Variants in NLRP5 observed in about 807,000 individuals in gnomAD.
The protein encoded by NLRP5 is NLR family pyrin domain containing 5, also known as NACHT, LRR and PYD domains-containing protein 5.
A neutral mutation model predicts 113.1 loss-of-function variants in NLRP5; 93 were observed. The observed-to-expected ratio is 0.82, with a 90% CI of 0.70 to 0.98. The LOEUF is 0.98. Ranked by LOEUF, NLRP5 falls within the 50% of genes least tolerant of loss-of-function variation. The pLI is 0.00. For missense variants in NLRP5, 1,808 were observed against 1,514.3 expected, an observed-to-expected ratio of 1.19 and a Z score of -3.22; for synonymous variants, 751 against 600.7, an observed-to-expected ratio of 1.25 and a Z score of -3.66.
intron 12 of NLRP5, among the ~76,000 whole-genome samples, chr19:56,051,377 G>A (rs1294040578): frequency 6.6e-6 from 1 of 152,072 alleles, no homozygotes; most frequent in East Asian, 1.9e-4. Flanking sequence ...ACTTTTAGTA[G>A]AGACGGAGTT....
At chr19:56,040,825 T>C (rs1321362535) in intron 10 of NLRP5, 97 bp from the exon 11 acceptor site, 3 of 1,020,316 alleles carry the variant, frequency 2.9e-6, no homozygotes, top group South Asian at 3.2e-5. Flanking sequence ...ATGCCAACTA[T>C]GGGGGTGATA....
chr19:56,051,841 C>T (rs1251846285), intron 12 of NLRP5, among the ~76,000 whole-genome samples: 2 of 152,180 alleles, frequency 1.3e-5, no homozygotes, highest in South Asian at 2.1e-4. Flanking sequence ...ATTACAAAGG[C>T]AGAATTAATG....
At chr19:56,015,234 C>G (rs1982359212) in intron 3 of NLRP5, among the ~76,000 whole-genome samples, 1 of 152,138 alleles carries the variant, frequency 6.6e-6, no homozygotes, top group Non-Finnish European at 1.5e-5. Context: ...GAGTTTCACT[C>G]TTGTTGCCCA....
intron 10 of NLRP5, 118 bp downstream of exon 10, chr19:56,038,313 A>C (rs556403840): frequency 8.5e-7 from 1 of 1,178,826 alleles, no homozygotes; most frequent in East Asian, 2.4e-5. Flanking sequence ...AGGGGTGAGG[A>C]AGGAAGTTGG....
chr19:56,015,191 C>A (rs73068172), intron 3 of NLRP5, among the ~76,000 whole-genome samples: 1 of 151,758 alleles, frequency 6.6e-6, no homozygotes, highest in Admixed American at 6.6e-5. Flanking sequence ...GTTTTGTTTT[C>A]GTTTTGTTTT....
Position 56,050,682 on chromosome 19 carries a change from A to C in NLRP5, c.3128+94A>C, listed in dbSNP as rs1010364385. 5 of 1,253,104 alleles carry C rather than the reference A, an allele frequency of 4.0e-6. No homozygotes were observed. In the African/African-American group the frequency reaches 7.5e-5, roughly 19 times the overall value. The allele number at this position is 1,253,104 out of a possible 1,614,324, so 77.6% of individuals were successfully genotyped here. On this transcript the variant is annotated intron_variant, in intron 12 of 14. Coordinates refer to ENST00000390649, the MANE Select transcript of NLRP5 (RefSeq NM_153447.4). Reference sequence around the variant, plus strand: ...ATAGGAGCAGGGAGACCGGAACCAAAAACTGCTTTCAGGGTGAGCTGACAC... The same window carrying C: ...ATAGGAGCAGGGAGACCGGAACCAACAACTGCTTTCAGGGTGAGCTGACAC...
chr19:56,058,416 T>C lies in NLRP5; in HGVS notation c.3470+6T>C. 1.9e-6 allele frequency: 3 copies of C among 1,606,762 alleles called. No individual in the cohort carries two copies. Among genetic ancestry groups the C allele is most frequent in the Non-Finnish European group, 2.6e-6 (3 of 1,176,148 alleles). On this transcript the variant is annotated splice_donor_region_variant and intron_variant, in intron 14 of 14. Transcript: ENST00000390649. ...TCTAACTTACAGATAATTGGGTAAG[T>C]CGCCAGCAATTGTCTTCTGAGATAC...
chr19:56,033,605 T>A lies in NLRP5; in HGVS notation c.2511T>A (p.Arg837=). Residue 837 remains arginine (R), a synonymous_variant, in exon 9 of 15, where the codon CGT becomes CGA. Coordinates refer to ENST00000390649, the MANE Select transcript of NLRP5 (RefSeq NM_153447.4). ...TCTGGAGAATCGTCATGGCCAACCG[T>A]AACCTAAGATCCCTCAACTTGGGAG... The A allele has an allele frequency of 6.2e-7, 1 of 1,613,750 alleles. No individual in the cohort carries two copies. The highest frequency in any genetic ancestry group is 1.1e-5 in the South Asian group (1 of 91,070).
the NLRP5 span, among the ~76,000 whole-genome samples, chr19:55,989,723 T>A: frequency 6.6e-6 from 1 of 152,186 alleles, no homozygotes; most frequent in Non-Finnish European, 1.5e-5. Context: ...CTGTGCTGAT[T>A]GTTGTGCATT....
Position 56,051,190 on chromosome 19 carries a change from C to CT in NLRP5, c.3128+607dup, listed in dbSNP as rs552096096. On this transcript the variant is annotated intron_variant, in intron 12 of 14. Coordinates refer to ENST00000390649, the MANE Select transcript of NLRP5 (RefSeq NM_153447.4). ...GCAACTTAATGCGTTCTCTTTTTTT[C>CT]TTTTTGTTTGTTTGTTTATTTATTT... 9.5e-3 allele frequency among the ~76,000 whole-genome samples: 1,437 copies of CT among 150,684 alleles called. 11 individuals carry two copies. The highest frequency in any genetic ancestry group is 0.016 in the Non-Finnish European group (1,096 of 67,794).
At chr19:56,014,478 C>CAAA (rs3055393) in intron 3 of NLRP5, among the ~76,000 whole-genome samples, 1 of 136,962 alleles carries the variant, frequency 7.3e-6, no homozygotes. Flanking sequence ...CGCTCCATCT[C>CAAA]AAAAAAAAAA....
At chr19:56,043,431 A>C (rs306441) in intron 11 of NLRP5, among the ~76,000 whole-genome samples, 9,712 of 150,108 alleles carry the variant, frequency 0.065, 363 homozygotes, top group African/African-American at 0.092. Flanking sequence ...TCCTTAGCCC[A>C]CTTTTTGATG....
rs1982957214 is a variant in NLRP5, at chr19:56,028,267, C to G, written c.2034C>G (p.Ala678=). 1 of 1,613,964 alleles carries G rather than the reference C, an allele frequency of 6.2e-7. No individual in the cohort carries two copies. The highest frequency in any genetic ancestry group is 2.2e-5 in the East Asian group (1 of 44,882). Reference sequence around the variant, plus strand: ...CTCTGTTGGGTCAGCAGCCTAATGCCACCACCCCAGGAGACACCCTGGACG... The same window carrying G: ...CTCTGTTGGGTCAGCAGCCTAATGCGACCACCCCAGGAGACACCCTGGACG... The change falls in exon 7 of 15, where the codon GCC becomes GCG. Residue 678 remains alanine, a synonymous_variant. Coordinates refer to ENST00000390649, the MANE Select transcript of NLRP5 (RefSeq NM_153447.4).
chr19:55,987,264 G>A, the NLRP5 span, among the ~76,000 whole-genome samples: 2 of 152,332 alleles, frequency 1.3e-5, no homozygotes, highest in Admixed American at 1.3e-4. Context: ...CACCTTCTAG[G>A]GAGGCTGAGA....
intron 12 of NLRP5, among the ~76,000 whole-genome samples, chr19:56,050,920 T>C (rs1321006132): frequency 1.3e-5 from 2 of 152,238 alleles, no homozygotes; most frequent in African/African-American, 4.8e-5. Flanking sequence ...TCTTAATCTC[T>C]TTCCCTCTGG....
chr19:56,015,771 G>A lies in NLRP5; in HGVS notation c.538G>A (p.Ala180Thr). The stretch of plus-strand genomic sequence containing the variant: ...TTCACAAGCTGTGCAACAAGATAGT[G>A]CCACAGCTGCAGAGACAAAAGAACA... The change falls in exon 4 of 15, where the codon GCC becomes ACC. Residue 180 changes from alanine (A) to threonine (T), a missense_variant. Transcript: ENST00000390649. 6.4e-7 allele frequency: 1 copy of A among 1,571,716 alleles called. No homozygotes were observed. Among genetic ancestry groups the A allele is most frequent in the Non-Finnish European group, 8.6e-7 (1 of 1,156,862 alleles).
chr19:56,034,247 G>A (rs570651), intron 9 of NLRP5, among the ~76,000 whole-genome samples: 6,966 of 152,266 alleles, frequency 0.046, 221 homozygotes, highest in South Asian at 0.07. Context: ...AAATTAGCCA[G>A]GCGTGGCAGC....
chr19:56,054,494 G>C (rs1269297176), intron 13 of NLRP5, among the ~76,000 whole-genome samples: 1 of 150,912 alleles, frequency 6.6e-6, no homozygotes, highest in East Asian at 1.9e-4. Flanking sequence ...GGAGGTGGAG[G>C]TTGCAGTGAG....
chr19:56,005,311 A>T (rs958463945), intron 2 of NLRP5, among the ~76,000 whole-genome samples: 1 of 147,264 alleles, frequency 6.8e-6, no homozygotes, highest in South Asian at 2.1e-4. Context: ...ATATATATTT[A>T]TATATACACA....
Sources: gnomAD v4.1 joint callset for allele counts (sites outside exome capture counted in the v4.1 genomes callset) on GRCh38, gnomAD v4.1.1 for gene constraint, MANE v1.5 for transcripts, NCBI Gene and HGNC (gene_info 2026-07-23, HGNC 2026-07-21) for gene names.